The following DSCAM variants were observed in gnomAD, a reference collection of about 807,000 sequenced individuals.
The protein encoded by DSCAM is DS cell adhesion molecule, also known as cell adhesion molecule DSCAM.
In DSCAM, 47 loss-of-function variants were observed where a neutral mutation model predicts 217.7. The ratio of observed to expected loss-of-function variants is 0.22; its 90% CI spans 0.17 to 0.28. The LOEUF (loss-of-function observed/expected upper bound fraction) is 0.28, where lower values mean the gene tolerates loss of function less well. DSCAM is among the 10% of genes least tolerant of loss of function. The probability of loss-of-function intolerance (pLI) is 1.00; values close to 1 mark genes in which losing one functional copy is unlikely to be tolerated. For missense variants in DSCAM, 2,080 were observed against 2,618.3 expected, an observed-to-expected ratio of 0.79 and a Z score of 4.49; for synonymous variants, 1,056 against 1,015.3, an observed-to-expected ratio of 1.04 and a Z score of -0.76.
At chr21:40,175,815 A>ACACACACGCACGCACG (rs1555886123) in intron 15 of DSCAM, among the ~76,000 whole-genome samples, 1 of 149,654 alleles carries the variant, frequency 6.7e-6, no homozygotes. Flanking sequence ...ACACGCACAC[A>ACACACACGCACGCACG]CACACACACG....
At chr21:40,255,761 A>G (rs1366148547) in intron 11 of DSCAM, among the ~76,000 whole-genome samples, 6 of 152,228 alleles carry the variant, frequency 3.9e-5, no homozygotes, top group African/African-American at 1.4e-4. Context: ...CAAGGAATAG[A>G]ATGAGGCTTA....
chr21:40,634,491 C>T (rs575307147), intron 3 of DSCAM, among the ~76,000 whole-genome samples: 1 of 152,324 alleles, frequency 6.6e-6, no homozygotes, highest in South Asian at 2.1e-4. Flanking sequence ...AAGATTTATC[C>T]TTTTCCCTCA....
chr21:40,236,012 C>A (rs143407837), intron 11 of DSCAM, among the ~76,000 whole-genome samples: 1 of 152,134 alleles, frequency 6.6e-6, no homozygotes, highest in South Asian at 2.1e-4. Context: ...AGTACCATAT[C>A]GAGGGTGGAA....
intron 3 of DSCAM, among the ~76,000 whole-genome samples, chr21:40,577,493 G>A (rs1043627918): frequency 9.9e-5 from 15 of 152,124 alleles, no homozygotes; most frequent in Admixed American, 2.0e-4. Context: ...GGGGGAGCCC[G>A]GAGCGAGACT....
intron 3 of DSCAM, among the ~76,000 whole-genome samples, chr21:40,626,111 T>C (rs568232314): frequency 1.3e-5 from 2 of 152,200 alleles, no homozygotes; most frequent in South Asian, 4.2e-4. Flanking sequence ...TAAGACCGAT[T>C]CCTGATTTTT....
intron 3 of DSCAM, among the ~76,000 whole-genome samples, chr21:40,402,674 TTG>T (rs1017869472): frequency 6.9e-6 from 1 of 143,940 alleles, no homozygotes; most frequent in African/African-American, 2.8e-5. Flanking sequence ...TCTTTTTTAT[TTG>T]TTTTTTTTTT....
At chr21:40,376,453 CTATATATCTTATATA>C (rs2074953311) in intron 3 of DSCAM, among the ~76,000 whole-genome samples, 3 of 138,234 alleles carry the variant, frequency 2.2e-5, no homozygotes, top group Non-Finnish European at 3.1e-5. Flanking sequence ...ATATAGATAT[CTATATATCTTATATA>C]GATATCTATA....
intron 11 of DSCAM, among the ~76,000 whole-genome samples, chr21:40,214,071 G>A (rs575229652): frequency 5.9e-5 from 9 of 152,338 alleles, no homozygotes; most frequent in African/African-American, 1.4e-4. Flanking sequence ...CACACGAAGC[G>A]AGACATCAGG....
At chr21:40,130,610 C>T (rs1483955388) in intron 19 of DSCAM, among the ~76,000 whole-genome samples, 2 of 152,118 alleles carry the variant, frequency 1.3e-5, no homozygotes, top group Non-Finnish European at 2.9e-5. Flanking sequence ...AGAATATGTC[C>T]ATGCACCGGA....
At chr21:40,039,309 CAAAAA>C (rs200149289) in intron 32 of DSCAM, among the ~76,000 whole-genome samples, 2 of 133,508 alleles carry the variant, frequency 1.5e-5, no homozygotes, top group East Asian at 4.2e-4. Flanking sequence ...AAATAAAAAT[CAAAAA>C]AAAAAAGAAT....
In DSCAM at chr21:40,013,532, G is replaced by A. The variant is rs115930965; in HGVS notation, c.5687-146C>T. The stretch of plus-strand genomic sequence containing the variant: ...GCCTTTCTCAAGATCCTCCTTCAGC[G>A]CTCACCACAAAGACAGGTGGAATCG... On this transcript the variant is annotated intron_variant, in intron 32 of 32. Transcript: ENST00000400454. The A allele has an allele frequency of 1.9e-3, 1,105 of 577,788 alleles. 5 individuals carry two copies. Among genetic ancestry groups the A allele is most frequent in the African/African-American group, 0.017 (912 of 52,238 alleles). The allele number at this position is 577,788 out of a possible 1,614,324, so 35.8% of individuals were successfully genotyped here. A position where few individuals can be genotyped will look rare whatever the true frequency, so the allele number is the denominator to read the frequency against.
At chr21:40,179,717 G>T (rs1377809809) in intron 14 of DSCAM, among the ~76,000 whole-genome samples, 2 of 152,136 alleles carry the variant, frequency 1.3e-5, no homozygotes, top group Admixed American at 6.5e-5. Flanking sequence ...CTTGGTTGTA[G>T]GAATTATTTT....
intron 1 of DSCAM, among the ~76,000 whole-genome samples, chr21:40,721,910 C>T (rs186174236): frequency 7.6e-4 from 116 of 151,838 alleles, no homozygotes; most frequent in African/African-American, 2.6e-3. Context: ...AACTTAAAGG[C>T]AACCAGATTA....
At chr21:40,025,880 A>G (rs201950275) in intron 32 of DSCAM, among the ~76,000 whole-genome samples, 10 of 149,376 alleles carry the variant, frequency 6.7e-5, no homozygotes, top group South Asian at 2.1e-4. Context: ...CTTCGGTTCT[A>G]CTCTGATTTT....
chr21:40,372,338 T>C (rs1254755420), intron 3 of DSCAM, among the ~76,000 whole-genome samples: 2 of 152,222 alleles, frequency 1.3e-5, no homozygotes, highest in Admixed American at 6.5e-5. Flanking sequence ...CAGCAAAAAG[T>C]GCAAACACAC....
At chr21:40,334,503 AC>A (rs2074408978) in intron 8 of DSCAM, among the ~76,000 whole-genome samples, 1 of 151,912 alleles carries the variant, frequency 6.6e-6, no homozygotes, top group Non-Finnish European at 1.5e-5. Flanking sequence ...TCTGTCTTCT[AC>A]CCCCAACCTC....
At chr21:40,418,765 A>G (rs552648109) in intron 3 of DSCAM, among the ~76,000 whole-genome samples, 1 of 152,332 alleles carries the variant, frequency 6.6e-6, no homozygotes, top group East Asian at 1.9e-4. Context: ...AAATGAATTA[A>G]GGACTGAAAA....
chr21:40,245,467 G>A (rs181165554), intron 11 of DSCAM, among the ~76,000 whole-genome samples: 2 of 152,240 alleles, frequency 1.3e-5, no homozygotes, highest in Admixed American at 6.5e-5. Context: ...GGGTGATTTC[G>A]CATGAGGTTC....
Position 40,016,481 on chromosome 21 carries a change from A to G in DSCAM, c.5687-3095T>C, listed in dbSNP as rs1305695042. Among the ~76,000 whole-genome samples, 1 of 152,262 alleles carries G rather than the reference A, an allele frequency of 6.6e-6. No homozygotes were observed. The highest frequency in any genetic ancestry group is 1.5e-5 in the Non-Finnish European group (1 of 68,038). On this transcript the variant is annotated intron_variant, in intron 32 of 32. Transcript: ENST00000400454. This position sits in a 1 kb window ranked among gnomAD's most constrained non-coding sequence, Gnocchi z 4.3. ...TATCTAGTAGGTATTTTTATCATAG[A>G]AACGTAGCTCTAGGATGACTCACTG...
Sources: allele counts gnomAD v4.1 joint callset (sites outside exome capture counted in the v4.1 genomes callset), GRCh38; gene constraint gnomAD v4.1.1; non-coding constraint Gnocchi (gnomAD v3.1); transcripts MANE v1.5; gene names NCBI Gene and HGNC (gene_info 2026-07-23, HGNC 2026-07-21).